Variants in HSPA4 observed in about 807,000 individuals in gnomAD.
HSPA4 encodes the protein heat shock 70 kDa protein 4.
Under a neutral mutation model 106.2 loss-of-function variants are expected in HSPA4, and 25 were observed. That is an observed-to-expected ratio of 0.24 (90% CI 0.17 to 0.33). The LOEUF is 0.33. Ranked by LOEUF, HSPA4 falls within the 10% of genes least tolerant of loss-of-function variation. The pLI, the probability that HSPA4 is intolerant of heterozygous loss-of-function variation, is 1.00. For synonymous variants in HSPA4, 332 were observed against 333.6 expected (o/e 1.00, Z 0.05); for missense variants, 841 against 996.0 (o/e 0.84, Z 2.10).
intron 1 of HSPA4, among the ~76,000 whole-genome samples, chr5:133,063,432 T>G: frequency 6.6e-6 from 1 of 151,874 alleles, no homozygotes; most frequent in East Asian, 1.9e-4. Context: ...TTTACTCTTT[T>G]TTTTGTTTTG....
intron 6 of HSPA4, among the ~76,000 whole-genome samples, chr5:133,074,974 A>C (rs1765430096): frequency 6.6e-6 from 1 of 152,200 alleles, no homozygotes; most frequent in Non-Finnish European, 1.5e-5. Context: ...CCAAGGTCTG[A>C]ATTGACTGCC....
chr5:133,102,939 A>ATTTTTT (rs1765807037), intron 17 of HSPA4, among the ~76,000 whole-genome samples: 1 of 46,840 alleles, frequency 2.1e-5, no homozygotes, highest in African/African-American at 1.7e-4. Flanking sequence ...TTGAGATGGC[A>ATTTTTT]TTTCACCATG....
At chr5:133,103,566 C>T (rs1765817090) in intron 17 of HSPA4, among the ~76,000 whole-genome samples, 1 of 152,064 alleles carries the variant, frequency 6.6e-6, no homozygotes, top group Non-Finnish European at 1.5e-5. Context: ...AATTTTTTTG[C>T]ATTGTGAAAT....
At chr5:133,074,236 T>C in intron 6 of HSPA4, 110 bp downstream of exon 6, 2 of 615,878 alleles carry the variant, frequency 3.2e-6, no homozygotes, top group Non-Finnish European at 5.4e-6. Context: ...ATGCATACCT[T>C]ACAGGGTTAT....
chr5:133,080,928 TATTTA>T (rs1387331082), intron 7 of HSPA4, among the ~76,000 whole-genome samples: 2 of 152,364 alleles, frequency 1.3e-5, no homozygotes, highest in East Asian at 1.9e-4. Flanking sequence ...CTGTGACCAC[TATTTA>T]ATTCTAGAAT....
chr5:133,052,703 G>A lies in HSPA4; in HGVS notation c.107+346G>A, dbSNP rs1765097097. The A allele has an allele frequency of 1.6e-5, 4 of 242,542 alleles. 1 individual carries two copies. The South Asian group carries it at 4.3e-4, about 26-fold the overall frequency. The allele number at this position is 242,542 out of a possible 1,614,324, so 15.0% of individuals were successfully genotyped here. On this transcript the variant is annotated intron_variant, in intron 1 of 18. Coordinates refer to ENST00000304858, the MANE Select transcript of HSPA4 (RefSeq NM_002154.4). The stretch of plus-strand genomic sequence containing the variant: ...GTCCTTTTCTTGAGGGCAGAGACCA[G>A]GCCCAGGTCGTACTGAGTCTTTTGA...
intron 7 of HSPA4, among the ~76,000 whole-genome samples, chr5:133,085,581 AC>A (rs1765568271): frequency 6.6e-6 from 1 of 151,588 alleles, no homozygotes; most frequent in South Asian, 2.1e-4. Flanking sequence ...AATTGCTTGA[AC>A]CCGGAAGGTG....
intron 1 of HSPA4, among the ~76,000 whole-genome samples, chr5:133,061,773 C>T (rs913995017): frequency 6.6e-6 from 1 of 152,130 alleles, no homozygotes; most frequent in Non-Finnish European, 1.5e-5. Flanking sequence ...GCGTGTGCCA[C>T]CACGCCTGGC....
At chr5:133,097,375 ATAG>A (rs1041322132) in intron 15 of HSPA4, 89 bp downstream of exon 15, 79 of 1,109,646 alleles carry the variant, frequency 7.1e-5, no homozygotes, top group Non-Finnish European at 7.2e-5. Context: ...CTATATGTGT[ATAG>A]TAGAATTATT....
Position 133,105,440 on chromosome 5 carries a change from T to TA in HSPA4, c.*1005dup, listed in dbSNP as rs1765844872. On this transcript the variant is annotated 3_prime_UTR_variant, in exon 19 of 19. Coordinates refer to ENST00000304858, the MANE Select transcript of HSPA4 (RefSeq NM_002154.4). ...ACAGATGATGCAAAAAAAACTAAGA[T>TA]ACACTGGATTGTACTGGATGAGTCT... The TA allele has an allele frequency of 6.6e-6, 1 of 152,208 alleles. No individual in the cohort carries two copies. The highest frequency in any genetic ancestry group is 2.1e-4 in the South Asian group (1 of 4,828). The allele number at this position is 152,208 out of a possible 1,614,324, so 9.4% of individuals were successfully genotyped here.
intron 4 of HSPA4, among the ~76,000 whole-genome samples, chr5:133,071,366 C>T (rs6596100): frequency 0.24 from 36,308 of 150,898 alleles, 4,593 homozygotes; most frequent in African/African-American, 0.29. Context: ...GAGGCTCATT[C>T]GAGCCCAGGA....
chr5:133,088,423 T>C lies in HSPA4; in HGVS notation c.1005T>C (p.Ile335=). The C allele has an allele frequency of 3.1e-6, 5 of 1,609,938 alleles. No individual in the cohort carries two copies. Among genetic ancestry groups the C allele is most frequent in the Non-Finnish European group, 3.4e-6 (4 of 1,176,516 alleles). The change falls in exon 9 of 19, where the codon ATT becomes ATC. Residue 335 remains isoleucine (I), a synonymous_variant. Coordinates refer to ENST00000304858, the MANE Select transcript of HSPA4 (RefSeq NM_002154.4). ...LEQTKLKKED[I]YAVEIVGGAT... Reference sequence around the variant, plus strand: ...AAATAGAGTTAAAGAAAGAAGATATTTATGCAGTGGAGATAGTTGGTGGTG... The same window carrying C: ...AAATAGAGTTAAAGAAAGAAGATATCTATGCAGTGGAGATAGTTGGTGGTG...
chr5:133,063,543 G>A (rs1304227895), intron 1 of HSPA4, among the ~76,000 whole-genome samples: 2 of 151,092 alleles, frequency 1.3e-5, no homozygotes, highest in Non-Finnish European at 1.5e-5. Context: ...TGATTCTCCT[G>A]CCTCAGCCTC....
chr5:133,098,668 GTTTTTATT>G (rs897355088), intron 15 of HSPA4, among the ~76,000 whole-genome samples: 2 of 150,146 alleles, frequency 1.3e-5, no homozygotes, highest in Non-Finnish European at 3.0e-5. Context: ...GTACTTAGTT[GTTTTTATT>G]TTTTTATTTT....
chr5:133,086,912 GTTAT>G lies in HSPA4; in HGVS notation c.985+60_985+63del, dbSNP rs1460514906. On this transcript the variant is annotated intron_variant, in intron 8 of 18. Transcript: ENST00000304858. The stretch of plus-strand genomic sequence containing the variant: ...GCGTATCTCAGACTGTTTGGAAATT[GTTAT>G]TTATTATCTTACTTTTGCAAGCAGT... The G allele has an allele frequency of 7.7e-6, 10 of 1,298,514 alleles. No individual in the cohort carries two copies. In the African/African-American group the frequency reaches 1.3e-4, roughly 17 times the overall value. The allele number at this position is 1,298,514 out of a possible 1,614,324, so 80.4% of individuals were successfully genotyped here.
chr5:133,078,983 C>T (rs1370047616), intron 7 of HSPA4, among the ~76,000 whole-genome samples: 1 of 152,194 alleles, frequency 6.6e-6, no homozygotes, highest in Non-Finnish European at 1.5e-5. Context: ...ATCTGCCTGC[C>T]TTAGCCTCCC....
chr5:133,086,216 AAAAC>A (rs1055082811), intron 7 of HSPA4, among the ~76,000 whole-genome samples: 16 of 152,312 alleles, frequency 1.1e-4, no homozygotes, highest in African/African-American at 3.4e-4. Flanking sequence ...CCCTGTCTCA[AAAAC>A]AAACAAACAA....
chr5:133,062,776 G>A (rs1188223075), intron 1 of HSPA4, among the ~76,000 whole-genome samples: 2 of 152,144 alleles, frequency 1.3e-5, no homozygotes. Flanking sequence ...TTTAATAGAA[G>A]TCATGGCTTC....
At chr5:133,102,569 G>A (rs2126718465) in intron 17 of HSPA4, among the ~76,000 whole-genome samples, 1 of 152,238 alleles carries the variant, frequency 6.6e-6, no homozygotes, top group South Asian at 2.1e-4. Context: ...CTTTCCTTAA[G>A]CAACATTCAG....
Sources: gnomAD v4.1 joint callset for allele counts (sites outside exome capture counted in the v4.1 genomes callset) on GRCh38, gnomAD v4.1.1 for gene constraint, MANE v1.5 for transcripts, NCBI Gene and HGNC (gene_info 2026-07-23, HGNC 2026-07-21) for gene names.